The following ART3 variants were observed in gnomAD, a reference collection of about 807,000 sequenced individuals.
ART3 encodes the protein ecto-ADP-ribosyltransferase 3.
In ART3, 49 loss-of-function variants were observed where a neutral mutation model predicts 48.5. The observed-to-expected ratio is 1.01, with a 90% CI of 0.80 to 1.28. The LOEUF (loss-of-function observed/expected upper bound fraction) is 1.28. ART3 is among the 50% of genes most tolerant of loss of function. The pLI is 0.00. For synonymous variants in ART3, 145 were observed against 157.2 expected (o/e 0.92, Z 0.58); for missense variants, 438 against 454.3 (o/e 0.96, Z 0.33).
At chr4:76,093,844 C>T (rs1725445040) in intron 3 of ART3, among the ~76,000 whole-genome samples, 1 of 152,176 alleles carries the variant, frequency 6.6e-6, no homozygotes, top group African/African-American at 2.4e-5. Flanking sequence ...CACGTCTCTA[C>T]TTAACACCTG....
intron 1 of ART3, among the ~76,000 whole-genome samples, chr4:76,047,980 C>T (rs993591331): frequency 2.6e-5 from 4 of 151,862 alleles, no homozygotes; most frequent in African/African-American, 7.3e-5. Context: ...GACAGGTACC[C>T]GGGTTGGGCC....
chr4:76,104,010 G>T (rs1727914692), intron 9 of ART3, 41 bp downstream of exon 9: 1 of 1,591,084 alleles, frequency 6.3e-7, no homozygotes. Context: ...CCAAGAATGA[G>T]TTGAGCAGGA....
At chr4:76,100,753 T>G (rs1727116100) in intron 6 of ART3, 42 bp from the exon 7 acceptor site, 1 of 1,599,214 alleles carries the variant, frequency 6.3e-7, no homozygotes, top group Non-Finnish European at 8.5e-7. Flanking sequence ...CCAATTCTTT[T>G]GTTCCTTCGT....
rs1727109258 is a variant in ART3 at position 76,100,718 on chromosome 4, A to C, written c.878-77A>C. ...GAATATTTTCATATTTCTTGCAAAT[A>C]ATTTTGCTGTAGCTGTAGTAACTGC... On this transcript the variant is annotated intron_variant, in intron 6 of 11. Transcript: ENST00000355810. 12 of 1,497,178 alleles carry C rather than the reference A, an allele frequency of 8.0e-6. No individual in the cohort carries two copies. The South Asian group carries it at 1.5e-4, about 18-fold the overall frequency. 92.7% of individuals were successfully genotyped at this position (1,497,178 alleles called of 1,614,324 possible).
intron 4 of ART3, 77 bp from the exon 5 acceptor site, chr4:76,098,877 GA>G: frequency 2.5e-6 from 3 of 1,201,248 alleles, no homozygotes; most frequent in Non-Finnish European, 2.4e-6. Flanking sequence ...TATTTTTAAT[GA>G]ACATTTAAAA....
intron 1 of ART3, among the ~76,000 whole-genome samples, chr4:76,049,845 G>A (rs566016900): frequency 1.6e-4 from 24 of 152,048 alleles, no homozygotes; most frequent in Middle Eastern, 3.4e-3. Context: ...ATGAAGCCGC[G>A]GACCCTCACG....
At chr4:76,018,006 G>C (rs72653615) in intron 1 of ART3, among the ~76,000 whole-genome samples, 6,399 of 152,328 alleles carry the variant, frequency 0.042, 186 homozygotes, top group Non-Finnish European at 0.061. Context: ...AAGAAGTACT[G>C]ATTGGTTCAG....
In ART3 at chr4:76,087,183, G is replaced by T. The variant is rs540494362; in HGVS notation, c.781+4648G>T. 2.0e-5 allele frequency among the ~76,000 whole-genome samples: 3 copies of T among 152,326 alleles called. No individual in the cohort carries two copies. In the East Asian group the frequency reaches 5.8e-4, roughly 29 times the overall value. ...TGGAGCCCACAGACTCCATGTTTGT[G>T]AGTGGGATTATGAAAGAACCAAAGA... On this transcript the variant is annotated intron_variant, in intron 3 of 11. Transcript: ENST00000355810.
chr4:76,107,179 C>T (rs1728640366), intron 10 of ART3: 1 of 152,136 alleles, frequency 6.6e-6, no homozygotes, highest in African/African-American at 2.4e-5. Flanking sequence ...GCATTTTTGA[C>T]TTATGGTATT....
chr4:76,022,012 G>A, intron 1 of ART3: 1 of 1,415,318 alleles, frequency 7.1e-7, no homozygotes, highest in Middle Eastern at 1.8e-4. Flanking sequence ...ATTGGGTTGT[G>A]TTTGGAAAGT....
chr4:76,073,979 C>A (rs541569339), upstream of ART3, among the ~76,000 whole-genome samples: 2 of 152,240 alleles, frequency 1.3e-5, no homozygotes, highest in African/African-American at 4.8e-5. Context: ...ATGAATAGTG[C>A]TACTATCAAC....
chr4:76,084,969 C>G (rs986155186), intron 3 of ART3, among the ~76,000 whole-genome samples: 3 of 152,140 alleles, frequency 2.0e-5, no homozygotes, highest in Non-Finnish European at 4.4e-5. Flanking sequence ...TGGCATGAGG[C>G]TACTAAGCTA....
chr4:76,094,161 G>C lies in ART3; in HGVS notation c.782-3483G>C, dbSNP rs182032977. Among the ~76,000 whole-genome samples the C allele has an allele frequency of 2.5e-3, 375 of 152,278 alleles. 1 individual carries two copies. The highest frequency in any genetic ancestry group is 8.6e-3 in the African/African-American group (359 of 41,562). On this transcript the variant is annotated intron_variant, in intron 3 of 11. Transcript: ENST00000355810. ...TGAACCTGCCATTACCTTGATCTTG[G>C]ATTTCCCAGCTCTGGAATTATGAGA...
At chr4:76,085,487 C>T (rs991278853) in intron 3 of ART3, among the ~76,000 whole-genome samples, 3 of 152,108 alleles carry the variant, frequency 2.0e-5, no homozygotes, top group African/African-American at 7.2e-5. Context: ...CCTGAGAGTG[C>T]CTCCTTAAAT....
intron 1 of ART3, chr4:76,020,973 T>A (rs1390091911): frequency 2.0e-5 from 3 of 152,220 alleles, no homozygotes; most frequent in Non-Finnish European, 4.4e-5. Flanking sequence ...TTCAGGAGAT[T>A]ACAGTTGGAA....
upstream of ART3, among the ~76,000 whole-genome samples, chr4:76,074,397 A>C (rs917378133): frequency 2.0e-5 from 3 of 152,174 alleles, no homozygotes; most frequent in Admixed American, 1.3e-4. Flanking sequence ...TTCCCTAGTT[A>C]TGTGAATCAC....
intron 1 of ART3, among the ~76,000 whole-genome samples, chr4:76,022,143 A>T (rs4859587): frequency 6.6e-6 from 1 of 151,964 alleles, no homozygotes; most frequent in Non-Finnish European, 1.5e-5. Context: ...TTGCTTAGAT[A>T]GTTATAGCTG....
rs1235558214 is a variant in ART3 at position 76,100,324 on chromosome 4, A to C, written c.877+4A>C. Reference sequence around the variant, plus strand: ...AACCAGAAGCTTGAAGACCATAGTAAGACATTTTTATAAATTCTGGGGGCT... The same window carrying C: ...AACCAGAAGCTTGAAGACCATAGTACGACATTTTTATAAATTCTGGGGGCT... On this transcript the variant is annotated splice_donor_region_variant and intron_variant, in intron 6 of 11. Coordinates refer to ENST00000355810, the MANE Select transcript of ART3 (RefSeq NM_001130016.3). 6.2e-7 allele frequency: 1 copy of C among 1,612,612 alleles called. No individual in the cohort carries two copies. The highest frequency in any genetic ancestry group is 8.5e-7 in the Non-Finnish European group (1 of 1,179,090).
At chr4:76,064,330 C>G (rs1266643493) in intron 1 of ART3, among the ~76,000 whole-genome samples, 1 of 152,066 alleles carries the variant, frequency 6.6e-6, no homozygotes, top group Non-Finnish European at 1.5e-5. Context: ...TTTTAGTGAT[C>G]TAAATACAAA....
Sources: gnomAD v4.1 joint callset for allele counts (sites outside exome capture counted in the v4.1 genomes callset) on GRCh38, gnomAD v4.1.1 for gene constraint, MANE v1.5 for transcripts, NCBI Gene and HGNC (gene_info 2026-07-23, HGNC 2026-07-21) for gene names.